The following MALRD1 variants were observed in gnomAD, a reference collection of about 807,000 sequenced individuals.
MALRD1 encodes the protein MAM and LDL receptor class A domain containing 1, also known as MAM and LDL-receptor class A domain-containing protein 1.
In MALRD1, 247 loss-of-function variants were observed where a neutral mutation model predicts 242.1. The observed-to-expected ratio is 1.02, with a 90% CI of 0.92 to 1.13. The LOEUF (loss-of-function observed/expected upper bound fraction) is 1.13, where lower values mean the gene tolerates loss of function less well. Ranked by LOEUF, MALRD1 falls within the 50% of genes most tolerant of loss-of-function variation. The pLI is 0.00. For missense variants in MALRD1, 2,989 were observed against 2,533.1 expected, an observed-to-expected ratio of 1.18 and a Z score of -3.86; for synonymous variants, 995 against 866.6, an observed-to-expected ratio of 1.15 and a Z score of -2.60.
At chr10:19,413,201 T>C (rs904563901) in intron 28 of MALRD1, among the ~76,000 whole-genome samples, 22 of 152,184 alleles carry the variant, frequency 1.4e-4, no homozygotes, top group Admixed American at 1.4e-3. Context: ...AGTCTCTGAC[T>C]TCATAGCCCT....
At chr10:19,077,276 ATTTGTG>A (rs1245687589) in intron 2 of MALRD1, among the ~76,000 whole-genome samples, 3 of 152,012 alleles carry the variant, frequency 2.0e-5, no homozygotes, top group Non-Finnish European at 4.4e-5. Context: ...GGTTTACAGA[ATTTGTG>A]TTTTGCTTAG....
intron 2 of MALRD1, among the ~76,000 whole-genome samples, chr10:19,078,848 G>T (rs1197867697): frequency 6.6e-6 from 1 of 151,552 alleles, no homozygotes; most frequent in African/African-American, 2.4e-5. Context: ...TTTATGTAAG[G>T]TTAGAAGTTC....
intron 33 of MALRD1, among the ~76,000 whole-genome samples, chr10:19,576,308 A>G (rs1836823417): frequency 6.6e-6 from 1 of 152,210 alleles, no homozygotes; most frequent in African/African-American, 2.4e-5. Flanking sequence ...GTATTTCCAC[A>G]CTTCAAAGTC....
intron 29 of MALRD1, among the ~76,000 whole-genome samples, chr10:19,468,758 G>A (rs1451506633): frequency 5.3e-5 from 8 of 151,974 alleles, no homozygotes; most frequent in Admixed American, 5.2e-4. Flanking sequence ...GTCTTTACAA[G>A]ATCCCAGAAA....
At chr10:19,156,849 T>C (rs577416465) in intron 12 of MALRD1, among the ~76,000 whole-genome samples, 2 of 152,224 alleles carry the variant, frequency 1.3e-5, no homozygotes, top group East Asian at 3.9e-4. Flanking sequence ...ATTGGTAACT[T>C]AGTTGGGGTT....
Position 19,165,759 on chromosome 10 carries a change from C to G in MALRD1, c.1779C>G (p.His593Gln). ...GATTCTCCGAATCTCAGTGGAGCCA[C>G]GCAAAAATTGATCTCATTGCAGAAG... Reference protein sequence around the residue: ...IIRFSESQWSHAKIDLIAEAG... With the variant: ...IIRFSESQWSQAKIDLIAEAG... The change falls in exon 13 of 40, where the codon CAC becomes CAG. Residue 593 changes from histidine to glutamine, a missense_variant. Coordinates refer to ENST00000454679, the MANE Select transcript of MALRD1 (RefSeq NM_001142308.3). 8.1e-7 allele frequency: 1 copy of G among 1,231,606 alleles called. No individual in the cohort carries two copies. Among genetic ancestry groups the G allele is most frequent in the Non-Finnish European group, 1.0e-6 (1 of 987,920 alleles). 76.3% of individuals were successfully genotyped at this position (1,231,606 alleles called of 1,614,324 possible). A position where few individuals can be genotyped will look rare whatever the true frequency, so the allele number is the denominator to read the frequency against.
chr10:19,184,820 T>C (rs1835667822), intron 14 of MALRD1, among the ~76,000 whole-genome samples: 1 of 152,176 alleles, frequency 6.6e-6, no homozygotes, highest in Admixed American at 6.5e-5. Flanking sequence ...AGTGCTGAGA[T>C]TACAGGCATG....
intron 24 of MALRD1, 100 bp downstream of exon 24, chr10:19,331,682 C>G: frequency 2.2e-6 from 2 of 897,598 alleles, no homozygotes; most frequent in Non-Finnish European, 3.4e-6. Context: ...GTGTGTATCT[C>G]AACACCAGGG....
intron 18 of MALRD1, among the ~76,000 whole-genome samples, chr10:19,232,293 A>G (rs189371327): frequency 6.6e-6 from 1 of 151,304 alleles, no homozygotes; most frequent in African/African-American, 2.4e-5. Flanking sequence ...CAGTCTCCCA[A>G]GTAGCTGGGA....
intron 26 of MALRD1, among the ~76,000 whole-genome samples, chr10:19,384,545 T>C (rs1476079620): frequency 8.2e-6 from 1 of 121,328 alleles, no homozygotes; most frequent in Non-Finnish European, 1.6e-5. Flanking sequence ...ATATTTACTA[T>C]ATATTATATA....
At chr10:19,709,243 TAA>T (rs557818453) in intron 38 of MALRD1, among the ~76,000 whole-genome samples, 2,504 of 105,856 alleles carry the variant, frequency 0.024, 87 homozygotes, top group African/African-American at 0.087. Flanking sequence ...CCGTCTGTAC[TAA>T]AAAAAAAAAA....
intron 18 of MALRD1, among the ~76,000 whole-genome samples, chr10:19,227,675 C>A (rs1251548404): frequency 6.6e-6 from 1 of 151,786 alleles, no homozygotes; most frequent in Non-Finnish European, 1.5e-5. Flanking sequence ...AGGCAAACCA[C>A]AGATTGGGAC....
intron 36 of MALRD1, among the ~76,000 whole-genome samples, chr10:19,655,303 G>C (rs1237106865): frequency 2.6e-5 from 4 of 151,786 alleles, no homozygotes; most frequent in Admixed American, 1.3e-4. Flanking sequence ...GTTTCTAGAA[G>C]TTTGTCCTTA....
chr10:19,609,075 T>C (rs1165488068), intron 35 of MALRD1, among the ~76,000 whole-genome samples: 1 of 152,110 alleles, frequency 6.6e-6, no homozygotes, highest in Non-Finnish European at 1.5e-5. Context: ...TAATATGTTA[T>C]AATCTGTTAT....
chr10:19,112,539 T>C (rs532938856), intron 5 of MALRD1, among the ~76,000 whole-genome samples: 1 of 152,280 alleles, frequency 6.6e-6, no homozygotes, highest in South Asian at 2.1e-4. Flanking sequence ...AGGAATTTAT[T>C]TTTTTGTATC....
intron 33 of MALRD1, among the ~76,000 whole-genome samples, chr10:19,592,196 A>G (rs1055190431): frequency 2.0e-5 from 3 of 152,214 alleles, no homozygotes; most frequent in African/African-American, 7.2e-5. Context: ...CAAATCAGAG[A>G]TTTCTTAGAA....
intron 14 of MALRD1, among the ~76,000 whole-genome samples, chr10:19,200,948 T>C (rs534231986): frequency 6.6e-6 from 1 of 152,196 alleles, no homozygotes; most frequent in African/African-American, 2.4e-5. Flanking sequence ...GGCATCCTGT[T>C]ATGCCTGTAA....
intron 31 of MALRD1, among the ~76,000 whole-genome samples, chr10:19,526,889 A>G (rs568852388): frequency 8.5e-5 from 13 of 152,310 alleles, no homozygotes; most frequent in Admixed American, 5.9e-4. Flanking sequence ...AGCTGGTTTT[A>G]GTAGTTGCTG....
At chr10:19,715,788 T>G (rs541502082) in intron 38 of MALRD1, among the ~76,000 whole-genome samples, 1 of 152,290 alleles carries the variant, frequency 6.6e-6, no homozygotes, top group African/African-American at 2.4e-5. Flanking sequence ...GGGAAACTGG[T>G]GCATCACATG....
Sources: gnomAD v4.1 joint callset for allele counts (sites outside exome capture counted in the v4.1 genomes callset) on GRCh38, gnomAD v4.1.1 for gene constraint, MANE v1.5 for transcripts, NCBI Gene and HGNC (gene_info 2026-07-23, HGNC 2026-07-21) for gene names.